SLC6A5: variants seen among roughly 807,000 people sequenced by gnomAD.
The protein encoded by SLC6A5 is sodium- and chloride-dependent glycine transporter 2.
Under a neutral mutation model 90.5 loss-of-function variants are expected in SLC6A5, and 58 were observed. That is an observed-to-expected ratio of 0.64 (90% confidence interval 0.52 to 0.80). The LOEUF is 0.80. Ranked by LOEUF, SLC6A5 falls within the 30% of genes least tolerant of loss-of-function variation. The pLI is 0.00. For missense variants in SLC6A5, 1,015 were observed against 1,017.6 expected (o/e 1.00, Z 0.03); for synonymous variants, 427 against 401.4 (o/e 1.06, Z -0.76).
rs1332758930 is a variant in SLC6A5, at chr11:20,637,301, C to T, written c.1867C>T (p.Gln623Ter). The T allele has an allele frequency of 6.2e-7, 1 of 1,613,084 alleles. No individual in the cohort carries two copies. The highest frequency in any genetic ancestry group is 1.3e-5 in the African/African-American group (1 of 74,814). Residue 623 changes from glutamine (Q) to a stop codon, truncating the protein, a stop_gained and splice_region_variant, in exon 12 of 16, where the codon CAG becomes TAG. Transcript: ENST00000525748. LOFTEE classifies it high-confidence loss of function. The stretch of plus-strand genomic sequence containing the variant: ...CATCATGGGTTTTCCAATGATCACT[C>T]AGGTAAGCTGCCTCCTAGGCACAGG... ...FFIMGFPMITQGGIYMFQLVD... is the reference protein window; with the variant it reads ...FFIMGFPMIT
chr11:20,604,205 C>T (rs1852530730), intron 2 of SLC6A5, 81 bp from the exon 3 acceptor site: 1 of 1,517,870 alleles, frequency 6.6e-7, no homozygotes, highest in Non-Finnish European at 8.9e-7. Flanking sequence ...GGGAAGGACC[C>T]CTAGCGGGGG....
At position 20,601,386 on chromosome 11, in the gene SLC6A5, G is replaced by C. The variant is rs755185593; in HGVS notation, c.261G>C (p.Ala87=). The change falls in exon 2 of 16, where the codon GCG becomes GCC. Residue 87 remains alanine (A), a synonymous_variant. Coordinates refer to ENST00000525748, the MANE Select transcript of SLC6A5 (RefSeq NM_004211.5). ...VGSCKLSSPR[A]QAASAALRDL... is the part of the protein sequence containing the mutation. Reference sequence around the variant, plus strand: ...CTTGCAAACTCAGTAGCCCGCGGGCGCAGGCGGCCTCTGCAGCTCTGCGGG... The same window carrying C: ...CTTGCAAACTCAGTAGCCCGCGGGCCCAGGCGGCCTCTGCAGCTCTGCGGG... The C allele has an allele frequency of 1.9e-6, 3 of 1,603,680 alleles. No individual in the cohort carries two copies. Among genetic ancestry groups the C allele is most frequent in the Non-Finnish European group, 1.7e-6 (2 of 1,176,228 alleles).
intron 5 of SLC6A5, among the ~76,000 whole-genome samples, chr11:20,609,400 G>A (rs3781742): frequency 0.056 from 8,428 of 151,754 alleles, 626 homozygotes; most frequent in East Asian, 0.35. Flanking sequence ...TGTTCCTGGC[G>A]CCAGGCTATC....
chr11:20,645,308 G>C (rs1287615980), intron 13 of SLC6A5, among the ~76,000 whole-genome samples: 2 of 152,082 alleles, frequency 1.3e-5, no homozygotes, highest in Non-Finnish European at 2.9e-5. Flanking sequence ...TGGGGGTGGT[G>C]GGGGACACTG....
chr11:20,612,609 C>A (rs1852714289), intron 5 of SLC6A5, among the ~76,000 whole-genome samples: 1 of 152,204 alleles, frequency 6.6e-6, no homozygotes, highest in African/African-American at 2.4e-5. Context: ...CCTTGAACTC[C>A]TGGGCTTAAG....
In SLC6A5 at chr11:20,636,304, C is replaced by T. The variant is rs747755668; in HGVS notation, c.1625-3C>T. On this transcript the variant is annotated splice_polypyrimidine_tract_variant and splice_region_variant and intron_variant, in intron 10 of 15. Coordinates refer to ENST00000525748, the MANE Select transcript of SLC6A5 (RefSeq NM_004211.5). ...CTGCAATCATCTGTCTTGTTCCTTC[C>T]AGGGCCAGGCATTGCATTTGTGGTT... The T allele has an allele frequency of 1.3e-6, 2 of 1,599,864 alleles. No individual in the cohort carries two copies. The highest frequency in any genetic ancestry group is 1.3e-5 in the African/African-American group (1 of 74,772).
At position 20,658,963 on chromosome 11, in the gene SLC6A5, C is replaced by T. The variant is rs1006666597; in HGVS notation, c.*4095C>T. The T allele has an allele frequency of 1.6e-4, 25 of 151,674 alleles. No homozygotes were observed. Among genetic ancestry groups the T allele is most frequent in the African/African-American group, 6.1e-4 (25 of 41,294 alleles). The allele number at this position is 151,674 out of a possible 1,614,324, so 9.4% of individuals were successfully genotyped here. A position where few individuals can be genotyped will look rare whatever the true frequency, so the allele number is the denominator to read the frequency against. On this transcript the variant is annotated 3_prime_UTR_variant, in exon 16 of 16. Transcript: ENST00000525748. ...CAGGCATCTTTTGTGGGTACTGTTG[C>T]CCATGAATAAACATATGTTCCCTAA... is the stretch of plus-strand genomic sequence containing the variant.
chr11:20,650,524 G>A lies in SLC6A5; in HGVS notation c.2071-1765G>A, dbSNP rs144631241. 8.4e-3 allele frequency among the ~76,000 whole-genome samples: 1,277 copies of A among 152,222 alleles called. 7 individuals are homozygous for A. The highest frequency in any genetic ancestry group is 0.014 in the Middle Eastern group (4 of 294). ...AGAAAACCCCTGTGTGGTATACACA[G>A]AGTGAGATATATCCATTTTATGGCA... On this transcript the variant is annotated intron_variant, in intron 14 of 15. Coordinates refer to ENST00000525748, the MANE Select transcript of SLC6A5 (RefSeq NM_004211.5).
intron 9 of SLC6A5, 128 bp downstream of exon 9, chr11:20,628,211 C>A: frequency 1.2e-6 from 1 of 830,798 alleles, no homozygotes. Context: ...TTGCCTCTGG[C>A]CTAGGAGAAA....
chr11:20,646,164 A>T (rs1206805007), intron 13 of SLC6A5, among the ~76,000 whole-genome samples: 1 of 152,182 alleles, frequency 6.6e-6, no homozygotes, highest in Non-Finnish European at 1.5e-5. Context: ...CTAAACCAAG[A>T]GGGTGCAGGG....
Position 20,604,268 on chromosome 11 carries a change from G to A in SLC6A5, c.541-18G>A, listed in dbSNP as rs927897041. ...CCTACTCGGGGCTGTTATCGACAAT[G>A]TGCTTTTCCGCCCCCAGGAGGACGA... is the stretch of plus-strand genomic sequence containing the variant. On this transcript the variant is annotated intron_variant, in intron 2 of 15. Transcript: ENST00000525748. 6.2e-7 allele frequency: 1 copy of A among 1,603,840 alleles called. No homozygotes were observed. Among genetic ancestry groups the A allele is most frequent in the Admixed American group, 1.7e-5 (1 of 59,614 alleles).
intron 14 of SLC6A5, 64 bp downstream of exon 14, chr11:20,646,998 T>C: frequency 9.5e-7 from 1 of 1,054,942 alleles, no homozygotes; most frequent in Non-Finnish European, 1.5e-6. Flanking sequence ...TGTTTTACAT[T>C]TGAACAGTGC....
chr11:20,617,709 C>T (rs768357162), intron 6 of SLC6A5, 43 bp from the exon 7 acceptor site: 12 of 1,589,384 alleles, frequency 7.6e-6, no homozygotes, highest in Admixed American at 3.3e-5. Flanking sequence ...CTCCCTCTCT[C>T]CTTCTTTCTA....
intron 9 of SLC6A5, 111 bp downstream of exon 9, chr11:20,628,194 T>A: frequency 2.1e-6 from 2 of 951,860 alleles, no homozygotes; most frequent in Non-Finnish European, 3.3e-6. Flanking sequence ...TAGGGAGAGC[T>A]AAAGATTTGC....
chr11:20,655,352 A>T lies in SLC6A5; in HGVS notation c.*484A>T. The stretch of plus-strand genomic sequence containing the variant: ...TTTTTTTTTTTTTCAGAGAGTTAGC[A>T]GTGGTCAGAAAATGTTTTGGATGTA... On this transcript the variant is annotated 3_prime_UTR_variant, in exon 16 of 16. Coordinates refer to ENST00000525748, the MANE Select transcript of SLC6A5 (RefSeq NM_004211.5). The T allele has an allele frequency of 4.9e-6, 1 of 205,800 alleles. No individual in the cohort carries two copies. Among genetic ancestry groups the T allele is most frequent in the Non-Finnish European group, 1.0e-5 (1 of 99,810 alleles). 12.7% of individuals were successfully genotyped at this position (205,800 alleles called of 1,614,324 possible). A position where few individuals can be genotyped will look rare whatever the true frequency, so the allele number is the denominator to read the frequency against.
At chr11:20,606,009 G>A (rs1432314656) in intron 3 of SLC6A5, among the ~76,000 whole-genome samples, 2 of 152,228 alleles carry the variant, frequency 1.3e-5, no homozygotes, top group Admixed American at 1.3e-4. Context: ...GTAGACTGGA[G>A]AAAGATCAGT....
intron 2 of SLC6A5, among the ~76,000 whole-genome samples, chr11:20,602,319 C>G (rs1166819691): frequency 1.3e-5 from 2 of 152,136 alleles, no homozygotes; most frequent in East Asian, 1.9e-4. Context: ...CAAGCCCCAC[C>G]AATCTTAATC....
chr11:20,652,568 T>C (rs1853563247), intron 15 of SLC6A5, 112 bp downstream of exon 15: 1 of 1,088,590 alleles, frequency 9.2e-7, no homozygotes, highest in African/African-American at 1.5e-5. Context: ...GGAGACTTGG[T>C]GATGAAGCGA....
At chr11:20,622,004 C>T (rs1590166029) in intron 7 of SLC6A5, among the ~76,000 whole-genome samples, 1 of 151,906 alleles carries the variant, frequency 6.6e-6, no homozygotes, top group Non-Finnish European at 1.5e-5. Context: ...GGCTGTTGGG[C>T]CTTTACCACC....
Sources: allele counts gnomAD v4.1 joint callset (sites outside exome capture counted in the v4.1 genomes callset), GRCh38; gene constraint gnomAD v4.1.1; transcripts MANE v1.5; gene names NCBI Gene and HGNC (gene_info 2026-07-23, HGNC 2026-07-21).